Variants in VPS54 observed in about 807,000 individuals in gnomAD.
VPS54 encodes VPS54 subunit of GARP complex.
In VPS54, 45 loss-of-function variants were observed where a neutral mutation model predicts 121.5. The ratio of observed to expected loss-of-function variants is 0.37; its 90% CI spans 0.29 to 0.47. The LOEUF (loss-of-function observed/expected upper bound fraction) is 0.47, where lower values mean the gene tolerates loss of function less well. Among genes scored for constraint, VPS54 ranks in the 20% least tolerant of loss-of-function variants. The probability of loss-of-function intolerance (pLI) is 0.99; values close to 1 mark genes in which losing one functional copy is unlikely to be tolerated. For missense variants in VPS54, 1,090 were observed against 1,131.4 expected, an observed-to-expected ratio of 0.96 and a Z score of 0.52; for synonymous variants, 371 against 385.8, an observed-to-expected ratio of 0.96 and a Z score of 0.45.
intron 5 of VPS54, among the ~76,000 whole-genome samples, chr2:63,967,718 C>CAAAAAAAAAAAAAAAAAAAAAAAAAAA (rs56820620): frequency 1.5e-4 from 8 of 52,990 alleles, no homozygotes; most frequent in Admixed American, 2.1e-4. Flanking sequence ...GACTCTGCCT[C>CAAAAAAAAAAAAAAAAAAAAAAAAAAA]AAAAAAAAAA....
At chr2:63,912,715 T>C in intron 18 of VPS54, 54 bp from the exon 19 acceptor site, 4 of 1,520,984 alleles carry the variant, frequency 2.6e-6, no homozygotes, top group Non-Finnish European at 3.5e-6. Context: ...AAAAAGGTAT[T>C]AGTTGATTTT....
intron 12 of VPS54, among the ~76,000 whole-genome samples, chr2:63,929,742 T>C (rs1558999278): frequency 6.6e-6 from 1 of 150,918 alleles, no homozygotes; most frequent in Non-Finnish European, 1.5e-5. Flanking sequence ...GAGCTGGTTT[T>C]TTGAAAAGAT....
intron 5 of VPS54, among the ~76,000 whole-genome samples, chr2:63,968,407 G>C (rs1265069591): frequency 2.0e-5 from 3 of 148,618 alleles, no homozygotes; most frequent in Non-Finnish European, 4.5e-5. Flanking sequence ...ACATTTTTTC[G>C]TTTAAAAAAA....
chr2:63,981,912 CTG>C, intron 2 of VPS54, 25 bp from the exon 3 acceptor site: 3 of 1,585,088 alleles, frequency 1.9e-6, no homozygotes, highest in Non-Finnish European at 2.6e-6. Flanking sequence ...CAAGAGAACT[CTG>C]TAAATGCTGT....
intron 1 of VPS54, among the ~76,000 whole-genome samples, chr2:63,994,036 G>A (rs987237760): frequency 1.1e-4 from 17 of 152,116 alleles, no homozygotes; most frequent in African/African-American, 3.9e-4. Flanking sequence ...AAAACCACAG[G>A]GAAAAGACGT....
rs578214067 is a variant in VPS54 at position 64,019,273 on chromosome 2, C to G, written c.-356G>C. ...ACCGCCTCTCCCACATCCCCGGCCT[C>G]CAGGGGAGCCGCCGCCGCCGCGCCA... On this transcript the variant is annotated 5_prime_UTR_variant, in exon 1 of 23. Coordinates refer to ENST00000272322, the MANE Select transcript of VPS54 (RefSeq NM_016516.3). 6.5e-4 allele frequency among the ~76,000 whole-genome samples: 97 copies of G among 150,110 alleles called. No individual in the cohort carries two copies. The highest frequency in any genetic ancestry group is 2.3e-3 in the African/African-American group (93 of 41,248).
rs144414654 is a variant in VPS54, at chr2:63,899,450, A to G, written c.2733+24T>C. On this transcript the variant is annotated intron_variant, in intron 21 of 22. Coordinates refer to ENST00000272322, the MANE Select transcript of VPS54 (RefSeq NM_016516.3). ...GATATTGTATGTTATATATACATGA[A>G]TAGTTTTAGGAATTACTTCTCACCT... The G allele has an allele frequency of 1.2e-4, 186 of 1,597,402 alleles. No homozygotes were observed. The African/African-American group carries it at 2.3e-3, about 20-fold the overall frequency.
intron 1 of VPS54, among the ~76,000 whole-genome samples, chr2:63,987,384 G>T (rs1266336513): frequency 6.6e-6 from 1 of 152,018 alleles, no homozygotes; most frequent in Non-Finnish European, 1.5e-5. Flanking sequence ...TTATTTCTGG[G>T]TTCTCTACTT....
At position 63,926,482 on chromosome 2, in the gene VPS54, G is replaced by C. The variant is rs139066138; in HGVS notation, c.1740-5147C>G. ...ACCTTTATAAGCTCCAGGACCATAA[G>C]TTGATTTACATAAAGTACTGAGCTG... On this transcript the variant is annotated intron_variant, in intron 12 of 22. Coordinates refer to ENST00000272322, the MANE Select transcript of VPS54 (RefSeq NM_016516.3). Among the ~76,000 whole-genome samples the C allele has an allele frequency of 2.5e-3, 384 of 152,318 alleles. 2 individuals carry two copies. The highest frequency in any genetic ancestry group is 9.1e-3 in the African/African-American group (378 of 41,576).
chr2:63,953,814 T>C (rs919643226), intron 7 of VPS54, among the ~76,000 whole-genome samples: 2 of 152,290 alleles, frequency 1.3e-5, no homozygotes, highest in South Asian at 2.1e-4. Flanking sequence ...TTCAAGACTA[T>C]ATGGTTTTCA....
At chr2:64,009,092 A>G (rs1678306579) in intron 1 of VPS54, among the ~76,000 whole-genome samples, 1 of 152,180 alleles carries the variant, frequency 6.6e-6, no homozygotes, top group Non-Finnish European at 1.5e-5. Flanking sequence ...ACCAATAAAA[A>G]AATTTTAAAT....
At position 63,992,119 on chromosome 2, in the gene VPS54, T is replaced by A. The variant is rs1467045036; in HGVS notation, c.-20-8100A>T. Among the ~76,000 whole-genome samples, 5 of 152,286 alleles carry A rather than the reference T, an allele frequency of 3.3e-5. No homozygotes were observed. In the East Asian group the frequency reaches 9.6e-4, roughly 29 times the overall value. The stretch of plus-strand genomic sequence containing the variant: ...ATTAAACTAATCGTGTCTGCCAAGC[T>A]TCCTGTTTCCATTCCGGCCGGTGAC... On this transcript the variant is annotated intron_variant, in intron 1 of 22. Coordinates refer to ENST00000272322, the MANE Select transcript of VPS54 (RefSeq NM_016516.3).
chr2:63,905,149 A>G (rs1314422042), intron 20 of VPS54, among the ~76,000 whole-genome samples: 1 of 152,196 alleles, frequency 6.6e-6, no homozygotes, highest in African/African-American at 2.4e-5. Context: ...GAGAAATTAG[A>G]AAACAGCAAA....
At chr2:63,997,712 G>A (rs2104663792) in intron 1 of VPS54, among the ~76,000 whole-genome samples, 1 of 151,826 alleles carries the variant, frequency 6.6e-6, no homozygotes, top group South Asian at 2.1e-4. Context: ...TCTGCTCTGA[G>A]CTTTGTTATT....
intron 10 of VPS54, among the ~76,000 whole-genome samples, chr2:63,943,453 A>T (rs922077821): frequency 2.0e-5 from 3 of 152,174 alleles, no homozygotes; most frequent in Non-Finnish European, 2.9e-5. Flanking sequence ...CCAATGACTT[A>T]TGTTTTCCAA....
intron 20 of VPS54, among the ~76,000 whole-genome samples, chr2:63,900,849 G>A (rs1424348227): frequency 6.6e-6 from 1 of 151,968 alleles, no homozygotes; most frequent in Non-Finnish European, 1.5e-5. Flanking sequence ...TGCAACCTCT[G>A]CCTCCCAGGT....
intron 9 of VPS54, among the ~76,000 whole-genome samples, chr2:63,946,496 G>A (rs1283049944): frequency 1.3e-5 from 2 of 151,924 alleles, no homozygotes; most frequent in East Asian, 3.9e-4. Context: ...TAAAAATAGT[G>A]TTTTAATCAG....
In VPS54 at chr2:63,914,178, A is replaced by C; in HGVS notation, c.2334+4T>G. On this transcript the variant is annotated splice_donor_region_variant and intron_variant, in intron 17 of 22. Transcript: ENST00000272322. ...TTTCCATAATGGAGTGAAGTCATAC[A>C]TACCTTCAATAAATCTGACAGACGA... is the stretch of plus-strand genomic sequence containing the variant. The C allele has an allele frequency of 6.2e-7, 1 of 1,610,558 alleles. No individual in the cohort carries two copies. The highest frequency in any genetic ancestry group is 8.5e-7 in the Non-Finnish European group (1 of 1,177,372).
At chr2:64,009,533 C>G (rs1230294856) in intron 1 of VPS54, among the ~76,000 whole-genome samples, 1 of 152,128 alleles carries the variant, frequency 6.6e-6, no homozygotes, top group African/African-American at 2.4e-5. Context: ...CCAGGCTGGT[C>G]TCAAACTCCT....
Sources: gnomAD v4.1 joint callset for allele counts (sites outside exome capture counted in the v4.1 genomes callset) on GRCh38, gnomAD v4.1.1 for gene constraint, MANE v1.5 for transcripts, NCBI Gene and HGNC (gene_info 2026-07-23, HGNC 2026-07-21) for gene names.